The following IL1RAPL1 variants were observed in gnomAD, a reference collection of about 807,000 sequenced individuals.
The protein encoded by IL1RAPL1 is interleukin-1 receptor accessory protein-like 1.
IL1RAPL1 carries 3 observed loss-of-function variants against 48.4 expected under a neutral mutation model. That is an observed-to-expected ratio of 0.06 (90% CI 0.03 to 0.16). IL1RAPL1 has a LOEUF of 0.16. Ranked by LOEUF, IL1RAPL1 falls within the 10% of genes least tolerant of loss-of-function variation. IL1RAPL1 has a pLI of 1.00. For synonymous variants in IL1RAPL1, 185 were observed against 187.7 expected (o/e 0.99, Z 0.12); for missense variants, 349 against 530.6 (o/e 0.66, Z 3.36).
At chrX:28,931,003 G>A (rs1923867780) in intron 2 of IL1RAPL1, among the ~76,000 whole-genome samples, 1 of 110,987 alleles carries the variant, frequency 9.0e-6, no homozygotes, top group African/African-American at 3.3e-5. Flanking sequence ...GGAAATACCG[G>A]CTATAAGCAT....
intron 5 of IL1RAPL1, among the ~76,000 whole-genome samples, chrX:29,557,887 G>A (rs777176154): frequency 2.7e-5 from 3 of 110,199 alleles, no homozygotes; most frequent in Non-Finnish European, 1.9e-5. Flanking sequence ...ATATTTTATT[G>A]TGTGTGTGCA....
At chrX:28,766,489 A>G (rs1442616135) in intron 1 of IL1RAPL1, among the ~76,000 whole-genome samples, 2 of 111,483 alleles carry the variant, frequency 1.8e-5, no homozygotes, top group African/African-American at 6.5e-5. Context: ...TAATCAAATC[A>G]TGGAGAATAG....
At chrX:29,353,390 G>T (rs775668078) in intron 3 of IL1RAPL1, among the ~76,000 whole-genome samples, 1 of 111,683 alleles carries the variant, frequency 9.0e-6, no homozygotes, top group African/African-American at 3.2e-5. Context: ...ATTTTATCAT[G>T]TATTCAGATT....
chrX:29,047,295 G>C (rs1926993092), intron 2 of IL1RAPL1, among the ~76,000 whole-genome samples: 1 of 111,895 alleles, frequency 8.9e-6, no homozygotes, highest in African/African-American at 3.2e-5. Flanking sequence ...ACAGCTGTTT[G>C]AAGAATGACA....
At chrX:29,212,710 C>T (rs191528517) in intron 2 of IL1RAPL1, among the ~76,000 whole-genome samples, 21 of 112,316 alleles carry the variant, frequency 1.9e-4, no homozygotes, top group East Asian at 1.4e-3. Context: ...TTATATGTAT[C>T]GCATACTGTA....
intron 5 of IL1RAPL1, among the ~76,000 whole-genome samples, chrX:29,480,139 T>C: frequency 9.2e-6 from 1 of 109,152 alleles, no homozygotes; most frequent in Non-Finnish European, 1.9e-5. Flanking sequence ...CGATGACCAC[T>C]TCTTGTCCAA....
At chrX:29,488,187 C>A (rs1935116617) in intron 5 of IL1RAPL1, among the ~76,000 whole-genome samples, 1 of 112,438 alleles carries the variant, frequency 8.9e-6, no homozygotes, top group African/African-American at 3.2e-5. Flanking sequence ...CGCCTGTAAT[C>A]CCAGCACTTT....
intron 2 of IL1RAPL1, among the ~76,000 whole-genome samples, chrX:28,927,004 C>G (rs573192248): frequency 4.5e-5 from 5 of 111,113 alleles, no homozygotes; most frequent in African/African-American, 1.6e-4. Flanking sequence ...AATAAATCCT[C>G]CCACCTCAGC....
intron 5 of IL1RAPL1, among the ~76,000 whole-genome samples, chrX:29,606,723 G>A (rs985878598): frequency 4.5e-5 from 5 of 110,899 alleles, no homozygotes; most frequent in African/African-American, 1.3e-4. Flanking sequence ...AGCTACCTTT[G>A]GGAGAAGTTA....
intron 6 of IL1RAPL1, among the ~76,000 whole-genome samples, chrX:29,753,901 G>A (rs924828425): frequency 1.5e-4 from 17 of 112,002 alleles, no homozygotes; most frequent in African/African-American, 5.5e-4. Context: ...ACTATGCAGT[G>A]CTAATCATGT....
chrX:29,124,835 ATAATAATTAGGC>A (rs1382573460), intron 2 of IL1RAPL1, among the ~76,000 whole-genome samples: 4 of 112,236 alleles, frequency 3.6e-5, no homozygotes, highest in African/African-American at 1.3e-4. Flanking sequence ...TTGGTACTGA[ATAATAATTAGGC>A]TAATAGGATA....
At chrX:29,423,183 A>G (rs1284267536) in intron 5 of IL1RAPL1, among the ~76,000 whole-genome samples, 1 of 111,697 alleles carries the variant, frequency 9.0e-6, no homozygotes, top group African/African-American at 3.3e-5. Context: ...CTTTCCACCA[A>G]TTGCTAATCA....
chrX:28,694,691 T>G (rs777092046), intron 1 of IL1RAPL1, among the ~76,000 whole-genome samples: 1 of 112,400 alleles, frequency 8.9e-6, no homozygotes, highest in South Asian at 3.6e-4. Flanking sequence ...GCTCATATTA[T>G]AAGAGTTTTG....
chrX:29,151,518 T>C (rs146286898), intron 2 of IL1RAPL1, among the ~76,000 whole-genome samples: 9 of 111,216 alleles, frequency 8.1e-5, no homozygotes, highest in African/African-American at 2.9e-4. Context: ...ATTTGGAGCA[T>C]GACCCCCCAA....
At chrX:29,501,661 C>T (rs775673506) in intron 5 of IL1RAPL1, among the ~76,000 whole-genome samples, 1 of 111,192 alleles carries the variant, frequency 9.0e-6, no homozygotes, top group African/African-American at 3.3e-5. Flanking sequence ...CTATTTTGTA[C>T]CATTGATCTG....
At chrX:29,762,630 CT>C (rs1484764161) in intron 6 of IL1RAPL1, among the ~76,000 whole-genome samples, 2 of 112,110 alleles carry the variant, frequency 1.8e-5, no homozygotes, top group Non-Finnish European at 1.9e-5. Flanking sequence ...TCATTCACTA[CT>C]TTGTTATATT....
At chrX:28,732,231 G>T (rs980217000) in intron 1 of IL1RAPL1, among the ~76,000 whole-genome samples, 5 of 112,192 alleles carry the variant, frequency 4.5e-5, no homozygotes, top group African/African-American at 1.6e-4. Context: ...AAATTAAGTA[G>T]TCATGTGCAA....
intron 5 of IL1RAPL1, among the ~76,000 whole-genome samples, chrX:29,639,584 A>G (rs182927053): frequency 3.5e-3 from 358 of 102,932 alleles, no homozygotes; most frequent in Middle Eastern, 0.01. Context: ...TGAATACACA[A>G]TCTGTGCATG....
chrX:29,265,925 C>T (rs1284796145), intron 2 of IL1RAPL1, among the ~76,000 whole-genome samples: 1 of 110,299 alleles, frequency 9.1e-6, no homozygotes, highest in Non-Finnish European at 1.9e-5. Context: ...GATACTATCT[C>T]ACACCAGTTA....
Sources: gnomAD v4.1 joint callset for allele counts (sites outside exome capture counted in the v4.1 genomes callset) on GRCh38, gnomAD v4.1.1 for gene constraint, MANE v1.5 for transcripts, NCBI Gene and HGNC (gene_info 2026-07-23, HGNC 2026-07-21) for gene names.